Variants in DEAF1 observed in about 807,000 individuals in gnomAD.
DEAF1 encodes the protein deformed epidermal autoregulatory factor 1 homolog.
A neutral mutation model predicts 58.9 loss-of-function variants in DEAF1; 53 were observed. The observed-to-expected ratio is 0.90, with a 90% CI of 0.72 to 1.13. DEAF1 has a LOEUF of 1.13. DEAF1 is among the 50% of genes most tolerant of loss of function. The pLI, the probability that DEAF1 is intolerant of heterozygous loss-of-function variation, is 0.00. For missense variants in DEAF1, 685 were observed against 791.4 expected, an observed-to-expected ratio of 0.87 and a Z score of 1.61; for synonymous variants, 385 against 340.4, an observed-to-expected ratio of 1.13 and a Z score of -1.44.
intron 10 of DEAF1, among the ~76,000 whole-genome samples, chr11:664,426 G>C (rs376352530): frequency 6.6e-6 from 1 of 151,684 alleles, no homozygotes; most frequent in South Asian, 2.1e-4. Flanking sequence ...TATTCACACC[G>C]AGAGGAGGAG....
intron 1 of DEAF1, among the ~76,000 whole-genome samples, chr11:692,582 G>T (rs1025727805): frequency 9.9e-5 from 15 of 152,226 alleles, no homozygotes; most frequent in Admixed American, 9.8e-4. Flanking sequence ...GCCGGGCGCG[G>T]TGGCTCACGC....
chr11:683,460 G>C (rs1860458354), intron 6 of DEAF1, among the ~76,000 whole-genome samples: 1 of 152,026 alleles, frequency 6.6e-6, no homozygotes, highest in African/African-American at 2.4e-5. Context: ...CAGATCGTGG[G>C]GTCTCTCCCT....
intron 10 of DEAF1, chr11:654,706 TAAA>T: frequency 2.3e-6 from 1 of 441,112 alleles, no homozygotes; most frequent in Non-Finnish European, 4.6e-6. Flanking sequence ...CAGTCTCTAC[TAAA>T]AATACAAAAA....
At chr11:666,071 T>A (rs1382437357) in intron 10 of DEAF1, 5 of 151,982 alleles carry the variant, frequency 3.3e-5, no homozygotes, top group African/African-American at 1.2e-4. Flanking sequence ...AGTTTGAACC[T>A]TCACAAGTTA....
intron 1 of DEAF1, chr11:703,164 G>A: frequency 6.3e-7 from 1 of 1,594,194 alleles, no homozygotes; most frequent in Non-Finnish European, 8.6e-7. Context: ...CGGACACCCG[G>A]GATACCCCAC....
At chr11:695,584 ACGAGCCGAAT>A, upstream of DEAF1, 1 of 1,239,752 alleles carries the variant, frequency 8.1e-7, no homozygotes, top group Non-Finnish European at 1.0e-6. Flanking sequence ...CCGAGCCGAG[ACGAGCCGAAT>A]GTCCCCGAGG....
intron 5 of DEAF1, among the ~76,000 whole-genome samples, chr11:685,919 G>A (rs1039242164): frequency 4.0e-5 from 6 of 150,854 alleles, no homozygotes; most frequent in Non-Finnish European, 7.4e-5. Context: ...CGAGGCAGGT[G>A]GCTCACTTGA....
chr11:674,283 C>G (rs1473506304), intron 10 of DEAF1: 4 of 518,518 alleles, frequency 7.7e-6, no homozygotes, highest in South Asian at 2.0e-5. Flanking sequence ...ACGGCCGATG[C>G]GCACAAAATT....
At chr11:703,086 T>C in intron 1 of DEAF1, 1 of 1,612,114 alleles carries the variant, frequency 6.2e-7, no homozygotes. Context: ...AGCGCCACGC[T>C]CCTGGCCCTT....
chr11:700,524 C>G, intron 1 of DEAF1: 1 of 942,042 alleles, frequency 1.1e-6, no homozygotes, highest in Non-Finnish European at 1.6e-6. Context: ...AAGACCCTGT[C>G]TCAAAAAAAA....
At chr11:686,809 C>G in intron 5 of DEAF1, 49 bp downstream of exon 5, 1 of 1,612,308 alleles carries the variant, frequency 6.2e-7, no homozygotes, top group Non-Finnish European at 8.5e-7. Context: ...CCTCAGAGGG[C>G]CCCACGTCTG....
intron 6 of DEAF1, among the ~76,000 whole-genome samples, chr11:681,627 G>A (rs1326151693): frequency 5.3e-5 from 8 of 151,964 alleles, no homozygotes; most frequent in Non-Finnish European, 1.5e-5. Flanking sequence ...AGCCAGGATG[G>A]TCTCGTTCTC....
At chr11:697,019 G>T (rs867650468), upstream of DEAF1, among the ~76,000 whole-genome samples, 1 of 151,614 alleles carries the variant, frequency 6.6e-6, no homozygotes, top group African/African-American at 2.4e-5. Flanking sequence ...TGGTGGTGGG[G>T]GGGGTGGGGT....
chr11:689,310 A>G lies in DEAF1; in HGVS notation c.388-850T>C, dbSNP rs374399797. On this transcript the variant is annotated intron_variant, in intron 2 of 11. Coordinates refer to ENST00000382409, the MANE Select transcript of DEAF1 (RefSeq NM_021008.4). Reference sequence around the variant, plus strand: ...AAGCTCCGCCTCCCGGGTTCACGCTATTGTCCTGCCTCAGCCTCCTAAGTA... The same window carrying G: ...AAGCTCCGCCTCCCGGGTTCACGCTGTTGTCCTGCCTCAGCCTCCTAAGTA... 2.9e-3 allele frequency among the ~76,000 whole-genome samples: 397 copies of G among 137,194 alleles called. 1 individual carries two copies. Among genetic ancestry groups the G allele is most frequent in the African/African-American group, 0.011 (381 of 36,022 alleles). The allele number at this position is 137,194 out of a possible 152,430, so 90.0% of individuals were successfully genotyped here. A position where few individuals can be genotyped will look rare whatever the true frequency, so the allele number is the denominator to read the frequency against.
rs887476959 is a variant in DEAF1, at chr11:674,844, G to C, written c.1256-61C>G. On this transcript the variant is annotated intron_variant, in intron 9 of 11. Transcript: ENST00000382409. ...TAATACATCTCCTAGCTTCAAAATG[G>C]CCTCCGTTAAAAATTCTCAGCCGGG... is the stretch of plus-strand genomic sequence containing the variant. 6.3e-6 allele frequency: 10 copies of C among 1,597,914 alleles called. No homozygotes were observed. In the African/African-American group the frequency reaches 1.3e-4, roughly 21 times the overall value.
Position 679,826 on chromosome 11 carries a change from C to CAGA in DEAF1, c.998-13_998-11dup. ...GAGGGGGTCACGGTGACTGGAAAGG[C>CAGA]AGAAGCACATTTCACGCGGCCAGGC... On this transcript the variant is annotated splice_polypyrimidine_tract_variant and intron_variant, in intron 7 of 11. Coordinates refer to ENST00000382409, the MANE Select transcript of DEAF1 (RefSeq NM_021008.4). 6.2e-7 allele frequency: 1 copy of CAGA among 1,612,992 alleles called. No individual in the cohort carries two copies. Among genetic ancestry groups the CAGA allele is most frequent in the Non-Finnish European group, 8.5e-7 (1 of 1,180,022 alleles).
intron 11 of DEAF1, among the ~76,000 whole-genome samples, chr11:651,958 G>A (rs751924613): frequency 1.3e-5 from 2 of 152,184 alleles, no homozygotes; most frequent in Non-Finnish European, 1.5e-5. Context: ...TAAATAAGGG[G>A]TAGAACAAAT....
chr11:701,466 A>G (rs1458791139), intron 1 of DEAF1, among the ~76,000 whole-genome samples: 11 of 131,574 alleles, frequency 8.4e-5, no homozygotes, highest in Admixed American at 4.5e-4. Context: ...GCTGGAGTGC[A>G]GTGGCGTGAA....
chr11:663,246 A>G (rs1162583232), intron 10 of DEAF1, among the ~76,000 whole-genome samples: 1 of 152,242 alleles, frequency 6.6e-6, no homozygotes, highest in East Asian at 1.9e-4. Context: ...CAGGAGTTCA[A>G]AACCAGCCTG....
Sources: allele counts gnomAD v4.1 joint callset (sites outside exome capture counted in the v4.1 genomes callset), GRCh38; gene constraint gnomAD v4.1.1; transcripts MANE v1.5; gene names NCBI Gene and HGNC (gene_info 2026-07-23, HGNC 2026-07-21).